The following EYS variants were observed in gnomAD, a reference collection of about 807,000 sequenced individuals.
EYS encodes protein eyes shut homolog.
A neutral mutation model predicts 282.1 loss-of-function variants in EYS; 250 were observed. That is an observed-to-expected ratio of 0.89 (90% CI 0.80 to 0.98). EYS has a LOEUF of 0.98. Ranked by LOEUF, EYS falls within the 50% of genes least tolerant of loss-of-function variation. The pLI, the probability that EYS is intolerant of heterozygous loss-of-function variation, is 0.00. For synonymous variants in EYS, 1,355 were observed against 1,282.9 expected (o/e 1.06, Z -1.20); for missense variants, 4,016 against 3,709.0 (o/e 1.08, Z -2.15).
chr6:64,912,563 G>A lies in EYS; in HGVS notation c.2562C>T (p.Asp854=), dbSNP rs188011013. The change falls in exon 16 of 43, where the codon GAC becomes GAT. Residue 854 remains aspartate, a synonymous_variant. Transcript: ENST00000503581. The part of the protein sequence containing the change: ...QFCHQRYNLC[D]LLHNPCRNNS... ...TGTTTCTGCAAGGGTTATGAAGTAG[G>A]TCACAAAGGTTATAGCGTTGGTGGC... 1.4e-4 allele frequency: 214 copies of A among 1,551,234 alleles called. No homozygotes were observed. In the African/African-American group the frequency reaches 2.6e-3, roughly 19 times the overall value.
intron 31 of EYS, among the ~76,000 whole-genome samples, chr6:64,218,456 G>C (rs1007431403): frequency 6.6e-6 from 1 of 152,090 alleles, no homozygotes; most frequent in Non-Finnish European, 1.5e-5. Flanking sequence ...CTTGACTTGG[G>C]AGAATTGCCA....
At chr6:65,087,494 T>C (rs893411143) in intron 12 of EYS, among the ~76,000 whole-genome samples, 7 of 152,116 alleles carry the variant, frequency 4.6e-5, no homozygotes, top group African/African-American at 7.2e-5. Context: ...CTGTGCATCT[T>C]ACCTAACTGG....
At chr6:64,647,743 T>A (rs1423221209) in intron 22 of EYS, among the ~76,000 whole-genome samples, 1 of 152,170 alleles carries the variant, frequency 6.6e-6, no homozygotes, top group East Asian at 1.9e-4. Flanking sequence ...TCTTCAAACT[T>A]TTTTTCTTTA....
chr6:64,620,786 C>T (rs1364996785), intron 23 of EYS, among the ~76,000 whole-genome samples: 1 of 151,798 alleles, frequency 6.6e-6, no homozygotes, highest in Non-Finnish European at 1.5e-5. Flanking sequence ...ATAAGGTAAC[C>T]AAATATTCAG....
At chr6:64,343,131 A>G (rs1771202642) in intron 29 of EYS, among the ~76,000 whole-genome samples, 1 of 152,162 alleles carries the variant, frequency 6.6e-6, no homozygotes, top group Non-Finnish European at 1.5e-5. Context: ...CCCACTGTCA[A>G]CATTAGACAG....
intron 12 of EYS, among the ~76,000 whole-genome samples, chr6:65,092,341 A>G (rs141238318): frequency 0.013 from 1,998 of 152,292 alleles, 55 homozygotes; most frequent in African/African-American, 0.046. Context: ...GTCTTGCTTT[A>G]TTTCTCAGGC....
intron 35 of EYS, among the ~76,000 whole-genome samples, chr6:63,870,437 G>C (rs572575947): frequency 6.6e-6 from 1 of 152,282 alleles, no homozygotes; most frequent in East Asian, 1.9e-4. Context: ...CCTTAAAAAT[G>C]AATAGTAGAT....
chr6:65,660,167 A>G (rs1216460756), intron 1 of EYS, among the ~76,000 whole-genome samples: 1 of 151,836 alleles, frequency 6.6e-6, no homozygotes, highest in Non-Finnish European at 1.5e-5. Flanking sequence ...GTCCTGTGCA[A>G]ATGTAAAAAA....
chr6:65,244,502 CTATT>C (rs369691470), intron 12 of EYS, among the ~76,000 whole-genome samples: 1,684 of 151,452 alleles, frequency 0.011, 31 homozygotes, highest in African/African-American at 0.032. Context: ...ATTATCCGAA[CTATT>C]TATTTATTTA....
Position 63,996,897 on chromosome 6 carries a change from C to CA in EYS, c.6834+2177dup, listed in dbSNP as rs1458012772. 2.0e-5 allele frequency among the ~76,000 whole-genome samples: 3 copies of CA among 152,060 alleles called. No individual in the cohort carries two copies. In the South Asian group the frequency reaches 6.2e-4, roughly 32 times the overall value. ...CTTTCAAAATTACCAGAAAAACCTCCAAATTAATACAGGTGTTTTTTCTTA... is the reference window on the plus strand; with the variant it reads ...CTTTCAAAATTACCAGAAAAACCTCCAAAATTAATACAGGTGTTTTTTCTTA... On this transcript the variant is annotated intron_variant, in intron 34 of 42. Coordinates refer to ENST00000503581, the MANE Select transcript of EYS (RefSeq NM_001142800.2).
At chr6:64,916,573 C>T (rs1393892772) in intron 15 of EYS, among the ~76,000 whole-genome samples, 1 of 152,128 alleles carries the variant, frequency 6.6e-6, no homozygotes, top group Non-Finnish European at 1.5e-5. Flanking sequence ...AAAAGGAAAA[C>T]ATATTTGATG....
At chr6:64,071,716 C>T (rs956929956) in intron 32 of EYS, among the ~76,000 whole-genome samples, 2 of 145,926 alleles carry the variant, frequency 1.4e-5, no homozygotes, top group Non-Finnish European at 3.0e-5. Context: ...TTTTTATATA[C>T]CCTTTTAAAA....
chr6:64,795,203 C>T (rs1489605716), intron 22 of EYS, among the ~76,000 whole-genome samples: 1 of 150,190 alleles, frequency 6.7e-6, no homozygotes, highest in Non-Finnish European at 1.5e-5. Flanking sequence ...TCATTGCACT[C>T]CAGCATGGGT....
chr6:63,920,902 T>C (rs1379821865), intron 35 of EYS, among the ~76,000 whole-genome samples: 2 of 151,902 alleles, frequency 1.3e-5, no homozygotes, highest in Admixed American at 1.3e-4. Context: ...TCTTCCTTTT[T>C]TTTTTTTGGA....
intron 33 of EYS, among the ~76,000 whole-genome samples, chr6:64,015,686 G>A (rs1312636699): frequency 1.3e-5 from 2 of 152,174 alleles, no homozygotes; most frequent in Non-Finnish European, 2.9e-5. Flanking sequence ...TAAAATTGTT[G>A]TAATCTGAAG....
intron 12 of EYS, among the ~76,000 whole-genome samples, chr6:65,156,798 C>A (rs915362177): frequency 1.8e-4 from 27 of 151,034 alleles, no homozygotes; most frequent in African/African-American, 6.3e-4. Flanking sequence ...CCAACATCTT[C>A]ATCAGTCTTT....
intron 2 of EYS, among the ~76,000 whole-genome samples, chr6:65,578,830 ATAAC>A (rs1220440757): frequency 7.9e-5 from 12 of 152,224 alleles, no homozygotes; most frequent in African/African-American, 2.2e-4. Flanking sequence ...ATTGAGGACT[ATAAC>A]TAATTTATTA....
At chr6:64,203,841 C>T (rs528482845) in intron 31 of EYS, among the ~76,000 whole-genome samples, 39 of 152,040 alleles carry the variant, frequency 2.6e-4, no homozygotes, top group African/African-American at 5.3e-4. Context: ...AATTTATGTA[C>T]GAATGAACAA....
At chr6:64,341,710 A>G (rs1308223710) in intron 29 of EYS, among the ~76,000 whole-genome samples, 1 of 151,570 alleles carries the variant, frequency 6.6e-6, no homozygotes, top group Admixed American at 6.6e-5. Context: ...TGTCATCCCA[A>G]CTACTCCCAC....
Sources: allele counts gnomAD v4.1 joint callset (sites outside exome capture counted in the v4.1 genomes callset), GRCh38; gene constraint gnomAD v4.1.1; transcripts MANE v1.5; gene names NCBI Gene and HGNC (gene_info 2026-07-23, HGNC 2026-07-21).